ADAMTS18: variants seen among roughly 807,000 people sequenced by gnomAD.
ADAMTS18 encodes the protein ADAM metallopeptidase with thrombospondin type 1 motif 18.
A neutral mutation model predicts 165.9 loss-of-function variants in ADAMTS18; 157 were observed. The observed-to-expected ratio is 0.95, with a 90% CI of 0.83 to 1.08. ADAMTS18 has a LOEUF of 1.08. Among genes scored for constraint, ADAMTS18 ranks in the 50% least tolerant of loss-of-function variants. The probability of loss-of-function intolerance (pLI) is 0.00; values close to 1 mark genes in which losing one functional copy is unlikely to be tolerated. For missense variants in ADAMTS18, 2,040 were observed against 1,534.0 expected, an observed-to-expected ratio of 1.33 and a Z score of -5.51; for synonymous variants, 782 against 578.2, an observed-to-expected ratio of 1.35 and a Z score of -5.06.
At chr16:77,348,071 A>ATT (rs1368344166) in intron 10 of ADAMTS18, among the ~76,000 whole-genome samples, 5 of 152,138 alleles carry the variant, frequency 3.3e-5, no homozygotes, top group African/African-American at 1.2e-4. Context: ...GAGTTCATTC[A>ATT]CATATAGATA....
chr16:77,386,058 T>C (rs914842709), intron 3 of ADAMTS18, among the ~76,000 whole-genome samples: 1 of 152,220 alleles, frequency 6.6e-6, no homozygotes, highest in African/African-American at 2.4e-5. Flanking sequence ...TTGGACTTGG[T>C]AACTTAGTGG....
At chr16:77,332,226 A>T (rs2056200936) in intron 12 of ADAMTS18, among the ~76,000 whole-genome samples, 2 of 152,188 alleles carry the variant, frequency 1.3e-5, no homozygotes, top group Non-Finnish European at 2.9e-5. Flanking sequence ...CTACCAACTT[A>T]AATTATGTTG....
chr16:77,368,462 G>A (rs1447879025), intron 3 of ADAMTS18, among the ~76,000 whole-genome samples: 1 of 140,070 alleles, frequency 7.1e-6, no homozygotes, highest in Non-Finnish European at 1.5e-5. Context: ...TTTGAGATTA[G>A]GTTTCATTCT....
intron 4 of ADAMTS18, among the ~76,000 whole-genome samples, chr16:77,364,726 GAAAA>G (rs796278591): frequency 3.1e-5 from 4 of 127,630 alleles, no homozygotes; most frequent in Admixed American, 8.8e-5. Context: ...GCTCTAAAAG[GAAAA>G]AAAAAGAAAG....
intron 12 of ADAMTS18, among the ~76,000 whole-genome samples, chr16:77,333,682 G>A (rs2056227950): frequency 6.6e-6 from 1 of 151,210 alleles, no homozygotes; most frequent in Non-Finnish European, 1.5e-5. Flanking sequence ...ACCAAGACAT[G>A]GAAGTAACCT....
intron 11 of ADAMTS18, among the ~76,000 whole-genome samples, chr16:77,337,441 T>A (rs1244246999): frequency 6.6e-6 from 1 of 152,196 alleles, no homozygotes; most frequent in Non-Finnish European, 1.5e-5. Flanking sequence ...TAAAAGCCGT[T>A]TTCCTCAGTA....
intron 3 of ADAMTS18, among the ~76,000 whole-genome samples, chr16:77,409,619 C>T (rs1290077717): frequency 6.6e-6 from 1 of 152,140 alleles, no homozygotes; most frequent in African/African-American, 2.4e-5. Flanking sequence ...ACAGTATACA[C>T]TGAAACCCTT....
chr16:77,354,424 T>C (rs1476335464), intron 9 of ADAMTS18, among the ~76,000 whole-genome samples: 4 of 152,000 alleles, frequency 2.6e-5, no homozygotes, highest in Non-Finnish European at 5.9e-5. Flanking sequence ...AGAGGAATAA[T>C]GAACTGGGGG....
chr16:77,415,943 A>T (rs2057524790), intron 3 of ADAMTS18, among the ~76,000 whole-genome samples: 1 of 152,204 alleles, frequency 6.6e-6, no homozygotes, highest in South Asian at 2.1e-4. Context: ...GCCAGGGATG[A>T]TTCCAGCCAC....
At chr16:77,403,672 A>G (rs988080340) in intron 3 of ADAMTS18, among the ~76,000 whole-genome samples, 6 of 152,180 alleles carry the variant, frequency 3.9e-5, no homozygotes, top group African/African-American at 9.7e-5. Context: ...CCAGTTTACT[A>G]TCTGTTAGGG....
chr16:77,307,960 T>C (rs1217062423), intron 16 of ADAMTS18, among the ~76,000 whole-genome samples: 2 of 152,280 alleles, frequency 1.3e-5, no homozygotes, highest in East Asian at 1.9e-4. Flanking sequence ...TCATCTCCTT[T>C]GGCCAAAGAG....
chr16:77,341,764 G>A lies in ADAMTS18; in HGVS notation c.1650C>T (p.Gly550=), dbSNP rs762097667. The part of the protein sequence containing the change: ...ICKSLWCHRV[G]HRCETKFMPA... ...GCATAAACTTGGTCTCACACCTGTGGCCTACTCGGTGGCACCAAAGTGATT... is the reference window on the plus strand; with the variant it reads ...GCATAAACTTGGTCTCACACCTGTGACCTACTCGGTGGCACCAAAGTGATT... Residue 550 remains glycine (G), a synonymous_variant, in exon 11 of 23, where the codon GGC becomes GGT. Transcript: ENST00000282849. The A allele has an allele frequency of 1.9e-6, 3 of 1,613,410 alleles. No homozygotes were observed. The highest frequency in any genetic ancestry group is 2.5e-6 in the Non-Finnish European group (3 of 1,179,752).
At chr16:77,352,031 G>T (rs560627112) in intron 10 of ADAMTS18, among the ~76,000 whole-genome samples, 1 of 152,096 alleles carries the variant, frequency 6.6e-6, no homozygotes, top group Non-Finnish European at 1.5e-5. Flanking sequence ...ACTACACCCA[G>T]CCAATTTGTT....
At chr16:77,421,563 C>G (rs751799143) in intron 3 of ADAMTS18, among the ~76,000 whole-genome samples, 1 of 152,204 alleles carries the variant, frequency 6.6e-6, no homozygotes, top group Non-Finnish European at 1.5e-5. Context: ...CTGGAGAGAA[C>G]TTTCTAAGGC....
chr16:77,294,399 CT>C (rs2055425757), intron 19 of ADAMTS18, among the ~76,000 whole-genome samples: 1 of 152,160 alleles, frequency 6.6e-6, no homozygotes. Context: ...GGTTGAGAAC[CT>C]TTGCTTTAGA....
At chr16:77,306,786 G>C (rs559148751) in intron 16 of ADAMTS18, among the ~76,000 whole-genome samples, 1 of 152,234 alleles carries the variant, frequency 6.6e-6, no homozygotes, top group African/African-American at 2.4e-5. Context: ...TTAAGAAGAA[G>C]GTGCTATTAA....
chr16:77,359,168 G>A (rs970007087), intron 8 of ADAMTS18, 150 bp downstream of exon 8: 1 of 728,572 alleles, frequency 1.4e-6, no homozygotes, highest in Admixed American at 2.1e-5. Flanking sequence ...CTAGCCTTTA[G>A]TGAGCCCTTT....
At chr16:77,335,993 A>G (rs1597139004) in intron 11 of ADAMTS18, 89 bp from the exon 12 acceptor site, 1 of 1,524,796 alleles carries the variant, frequency 6.6e-7, no homozygotes, top group East Asian at 2.3e-5. Context: ...AACAGGAAAA[A>G]CAGGTCTGTT....
At chr16:77,319,500 T>C (rs1380666919) in intron 16 of ADAMTS18, among the ~76,000 whole-genome samples, 3 of 152,182 alleles carry the variant, frequency 2.0e-5, no homozygotes, top group African/African-American at 7.2e-5. Flanking sequence ...TGGAGTGCAG[T>C]GGCACATCTT....
Sources: allele counts gnomAD v4.1 joint callset (sites outside exome capture counted in the v4.1 genomes callset), GRCh38; gene constraint gnomAD v4.1.1; transcripts MANE v1.5; gene names NCBI Gene and HGNC (gene_info 2026-07-23, HGNC 2026-07-21).